Variants in LIMS1 observed in about 807,000 individuals in gnomAD.
LIMS1 encodes LIM and senescent cell antigen-like-containing domain protein 1.
Under a neutral mutation model 44.1 loss-of-function variants are expected in LIMS1, and 18 were observed. That is an observed-to-expected ratio of 0.41 (90% CI 0.28 to 0.61). The LOEUF (loss-of-function observed/expected upper bound fraction) is 0.61, where lower values mean the gene tolerates loss of function less well. Among genes scored for constraint, LIMS1 ranks in the 20% least tolerant of loss-of-function variants. LIMS1 has a pLI of 0.32. For synonymous variants in LIMS1, 93 were observed against 149.1 expected, an observed-to-expected ratio of 0.62 and a Z score of 2.74; for missense variants, 201 against 422.0, an observed-to-expected ratio of 0.48 and a Z score of 4.59.
chr2:108,575,416 G>A (rs1009060121), intron 1 of LIMS1, among the ~76,000 whole-genome samples: 10 of 152,160 alleles, frequency 6.6e-5, no homozygotes, highest in African/African-American at 2.2e-4. Context: ...CTGCCCTTAC[G>A]GCTCACAGAG....
At chr2:108,575,850 T>C (rs1264879652) in intron 1 of LIMS1, among the ~76,000 whole-genome samples, 1 of 152,214 alleles carries the variant, frequency 6.6e-6, no homozygotes, top group Non-Finnish European at 1.5e-5. Flanking sequence ...GGATGGCATG[T>C]GATACAGCAT....
At chr2:108,614,933 G>A (rs955093324) in intron 1 of LIMS1, among the ~76,000 whole-genome samples, 1 of 152,074 alleles carries the variant, frequency 6.6e-6, no homozygotes, top group Non-Finnish European at 1.5e-5. Flanking sequence ...TGTTCTTTCT[G>A]GTCTTCAGAA....
intron 1 of LIMS1, among the ~76,000 whole-genome samples, chr2:108,539,513 G>A (rs984066645): frequency 6.6e-6 from 1 of 152,150 alleles, no homozygotes; most frequent in Non-Finnish European, 1.5e-5. Context: ...TTAAGCCTCA[G>A]ATTCTTAATT....
intron 9 of LIMS1, chr2:108,681,113 G>A (rs975029208): frequency 1.6e-6 from 2 of 1,276,228 alleles, no homozygotes; most frequent in Non-Finnish European, 2.0e-6. Flanking sequence ...CAGTCTGTTT[G>A]TAAACTTTTC....
chr2:108,571,858 G>C (rs1006019046), intron 1 of LIMS1, among the ~76,000 whole-genome samples: 1 of 152,194 alleles, frequency 6.6e-6, no homozygotes, highest in Non-Finnish European at 1.5e-5. Flanking sequence ...AGGCACCTGA[G>C]AAACTGTCTT....
At chr2:108,626,535 C>T (rs1688586444) in intron 1 of LIMS1, among the ~76,000 whole-genome samples, 1 of 152,144 alleles carries the variant, frequency 6.6e-6, no homozygotes, top group Admixed American at 6.5e-5. Flanking sequence ...CTCTCACCTC[C>T]CACCCCCATA....
intron 1 of LIMS1, among the ~76,000 whole-genome samples, chr2:108,646,129 C>T (rs1349228812): frequency 1.3e-5 from 2 of 152,214 alleles, no homozygotes; most frequent in Non-Finnish European, 2.9e-5. Context: ...GAACTTAGCT[C>T]TGGACCAAGC....
chr2:108,612,011 T>TATTATATATACACGCATAC (rs1687670312), intron 1 of LIMS1, among the ~76,000 whole-genome samples: 1 of 133,546 alleles, frequency 7.5e-6, no homozygotes, highest in Non-Finnish European at 1.6e-5. Flanking sequence ...TACACACATA[T>TATTATATATACACGCATAC]ATATATACAC....
intron 1 of LIMS1, among the ~76,000 whole-genome samples, chr2:108,589,183 T>TA (rs74920781): frequency 1.6e-3 from 232 of 145,742 alleles, no homozygotes; most frequent in Admixed American, 2.2e-3. Flanking sequence ...AAACGCTGTT[T>TA]AAAAAAAAAA....
intron 2 of LIMS1, among the ~76,000 whole-genome samples, chr2:108,665,828 G>A (rs760575234): frequency 6.6e-6 from 1 of 152,122 alleles, no homozygotes; most frequent in Non-Finnish European, 1.5e-5. Flanking sequence ...CCAGCCAACA[G>A]CTTTCCTTTT....
At position 108,624,665 on chromosome 2, in the gene LIMS1, G is replaced by A. The variant is rs543678447; in HGVS notation, c.33-34940G>A. On this transcript the variant is annotated intron_variant, in intron 1 of 9. Coordinates refer to ENST00000544547, the Ensembl canonical transcript of LIMS1. ...CCAGCTACTGTGGAGGCTGAGGCAGGAGAATCGTTTGAACCCAGGAGACAG... is the reference window on the plus strand; with the variant it reads ...CCAGCTACTGTGGAGGCTGAGGCAGAAGAATCGTTTGAACCCAGGAGACAG... Among the ~76,000 whole-genome samples the A allele has an allele frequency of 2.6e-5, 4 of 152,316 alleles. No homozygotes were observed. In the East Asian group the frequency reaches 5.8e-4, roughly 22 times the overall value.
At chr2:108,629,613 T>TTA (rs745825362) in intron 1 of LIMS1, among the ~76,000 whole-genome samples, 1 of 152,194 alleles carries the variant, frequency 6.6e-6, no homozygotes, top group Non-Finnish European at 1.5e-5. Flanking sequence ...ATGAGCTTGT[T>TTA]TAGTACGTGA....
At position 108,676,597 on chromosome 2, in the gene LIMS1, T is replaced by G. The variant is rs1692582859; in HGVS notation, c.682-9T>G. 10 of 1,561,756 alleles carry G rather than the reference T, an allele frequency of 6.4e-6. No homozygotes were observed. Among genetic ancestry groups the G allele is most frequent in the Non-Finnish European group, 8.6e-6 (10 of 1,157,808 alleles). On this transcript the variant is annotated splice_polypyrimidine_tract_variant and intron_variant, in intron 6 of 9. Transcript: ENST00000544547. ...AATTCAAAAATGACCTATAGCAATTTTTTTTCAGCATTTTGTTTGTGCCAA... is the reference window on the plus strand; with the variant it reads ...AATTCAAAAATGACCTATAGCAATTGTTTTTCAGCATTTTGTTTGTGCCAA...
intron 2 of LIMS1, among the ~76,000 whole-genome samples, chr2:108,669,610 G>C (rs1479261499): frequency 6.6e-6 from 1 of 151,888 alleles, no homozygotes; most frequent in Non-Finnish European, 1.5e-5. Context: ...ATCAAACAGT[G>C]TATGACTTTT....
At chr2:108,543,628 A>G (rs1230876199) in intron 1 of LIMS1, among the ~76,000 whole-genome samples, 1 of 152,192 alleles carries the variant, frequency 6.6e-6, no homozygotes, top group Admixed American at 6.5e-5. Context: ...ATTTAGATGA[A>G]GTAAATCTAC....
chr2:108,558,121 A>G lies in LIMS1; in HGVS notation c.32+23527A>G, dbSNP rs181770951. The stretch of plus-strand genomic sequence containing the variant: ...ATTCCTGTTACAGTATCTTTGAAAC[A>G]TACTAGAAGGTAATTATAGATTTAA... On this transcript the variant is annotated intron_variant, in intron 1 of 9. Coordinates refer to ENST00000544547, the Ensembl canonical transcript of LIMS1. Among the ~76,000 whole-genome samples, 219 of 152,356 alleles carry G rather than the reference A, an allele frequency of 1.4e-3. 2 individuals carry two copies. Among genetic ancestry groups the G allele is most frequent in the Non-Finnish European group, 2.3e-3 (158 of 68,032 alleles).
chr2:108,671,035 G>A, intron 3 of LIMS1, 188 bp downstream of exon 3: 1 of 683,956 alleles, frequency 1.5e-6, no homozygotes. Flanking sequence ...ACTGGGCATG[G>A]TGGCAGGTGC....
At chr2:108,627,682 T>G (rs1238029204) in intron 1 of LIMS1, among the ~76,000 whole-genome samples, 2 of 152,186 alleles carry the variant, frequency 1.3e-5, no homozygotes, top group African/African-American at 4.8e-5. Context: ...GGATAGATGT[T>G]ATTAAAAGGA....
At chr2:108,636,696 A>G (rs989047985) in intron 1 of LIMS1, among the ~76,000 whole-genome samples, 8 of 152,234 alleles carry the variant, frequency 5.3e-5, no homozygotes, top group Non-Finnish European at 1.2e-4. Context: ...AGATGTATAG[A>G]ATACCACTTT....
Sources: allele counts gnomAD v4.1 joint callset (sites outside exome capture counted in the v4.1 genomes callset), GRCh38; gene constraint gnomAD v4.1.1; transcripts MANE v1.5; gene names NCBI Gene and HGNC (gene_info 2026-07-23, HGNC 2026-07-21).